The following ME2 variants were observed in gnomAD, a reference collection of about 807,000 sequenced individuals.
ME2 encodes NAD-dependent malic enzyme, mitochondrial.
In ME2, 60 loss-of-function variants were observed where a neutral mutation model predicts 73.7. The observed-to-expected ratio is 0.81, with a 90% confidence interval of 0.66 to 1.01. The LOEUF is 1.01. Ranked by LOEUF, ME2 falls within the 50% of genes least tolerant of loss-of-function variation. The pLI, the probability that ME2 is intolerant of heterozygous loss-of-function variation, is 0.00. For synonymous variants in ME2, 199 were observed against 236.9 expected (o/e 0.84, Z 1.47); for missense variants, 594 against 705.5 (o/e 0.84, Z 1.79).
In ME2 at chr18:50,940,344, G is replaced by A. The variant is rs771110015; in HGVS notation, c.1545G>A (p.Pro515=). The A allele has an allele frequency of 1.4e-5, 23 of 1,610,834 alleles. No homozygotes were observed. Among genetic ancestry groups the A allele is most frequent in the African/African-American group, 6.7e-5 (5 of 74,732 alleles). ...TAGCCCAAGGGAGACTTTACCCACC[G>A]CTTGCTAATATTCAGGAAGTTTCTA... The part of the protein sequence containing the change: ...EELAQGRLYP[P]LANIQEVSIN... The change falls in exon 15 of 16, where the codon CCG becomes CCA. Residue 515 remains proline, a synonymous_variant. Transcript: ENST00000321341.
At chr18:50,897,944 A>G (rs1222809456) in intron 2 of ME2, among the ~76,000 whole-genome samples, 1 of 152,196 alleles carries the variant, frequency 6.6e-6, no homozygotes, top group Non-Finnish European at 1.5e-5. Context: ...TAGCATCTAT[A>G]TGGTCACATC....
chr18:50,942,981 A>G (rs572323276), intron 15 of ME2, among the ~76,000 whole-genome samples: 1 of 151,998 alleles, frequency 6.6e-6, no homozygotes, highest in Middle Eastern at 3.4e-3. Flanking sequence ...TTTTTTTTCA[A>G]TTTAGAGACA....
intron 3 of ME2, 24 bp from the exon 4 acceptor site, chr18:50,912,777 A>G (rs1261511104): frequency 1.3e-6 from 2 of 1,520,312 alleles, no homozygotes; most frequent in Non-Finnish European, 1.8e-6. Flanking sequence ...TGACTTAGAC[A>G]TTATTTACTG....
intron 2 of ME2, among the ~76,000 whole-genome samples, chr18:50,907,762 A>T (rs1468127536): frequency 6.6e-6 from 1 of 152,214 alleles, no homozygotes; most frequent in African/African-American, 2.4e-5. Flanking sequence ...ATGTTTCTCT[A>T]GAATGGCTCC....
At chr18:50,907,213 A>G (rs583574) in intron 2 of ME2, among the ~76,000 whole-genome samples, 100,495 of 151,988 alleles carry the variant, frequency 0.66, 33,399 homozygotes, top group South Asian at 0.78. Context: ...TTCCTGGAAT[A>G]GGGCTTAGAA....
At chr18:50,883,756 C>T (rs1333777226) in intron 1 of ME2, among the ~76,000 whole-genome samples, 2 of 151,916 alleles carry the variant, frequency 1.3e-5, no homozygotes, top group South Asian at 2.1e-4. Flanking sequence ...GCTAGCTACT[C>T]GGGAGGCTGA....
At chr18:50,926,971 GTGTT>G (rs1481804656) in intron 12 of ME2, among the ~76,000 whole-genome samples, 1 of 152,128 alleles carries the variant, frequency 6.6e-6, no homozygotes, top group Non-Finnish European at 1.5e-5. Flanking sequence ...TTCACCATCA[GTGTT>G]TGTCTTTTCT....
chr18:50,879,623 G>A (rs938017175), intron 1 of ME2, among the ~76,000 whole-genome samples: 2 of 152,252 alleles, frequency 1.3e-5, no homozygotes, highest in African/African-American at 4.8e-5. Flanking sequence ...GAGGCCCTGG[G>A]CCTCCAAACG....
At chr18:50,922,360 G>A (rs1349934389) in intron 10 of ME2, among the ~76,000 whole-genome samples, 2 of 152,204 alleles carry the variant, frequency 1.3e-5, no homozygotes, top group Non-Finnish European at 2.9e-5. Flanking sequence ...CAGCTTATAA[G>A]TGACGGAGGT....
At position 50,927,414 on chromosome 18, in the gene ME2, CA is replaced by C. The variant is rs1403060593; in HGVS notation, c.1314+1517del. ...CTAAGGATTCTTTTAAAAATATAAC[CA>C]CAGGGCCGGGCACGGTGGCTCACGC... is the stretch of plus-strand genomic sequence containing the variant. On this transcript the variant is annotated intron_variant, in intron 12 of 15. Transcript: ENST00000321341. Among the ~76,000 whole-genome samples the C allele has an allele frequency of 3.3e-5, 5 of 151,762 alleles. No individual in the cohort carries two copies. The East Asian group carries it at 7.8e-4, about 24-fold the overall frequency.
chr18:50,928,609 A>G (rs902056624), intron 12 of ME2, among the ~76,000 whole-genome samples: 5 of 152,198 alleles, frequency 3.3e-5, no homozygotes, highest in African/African-American at 1.2e-4. Flanking sequence ...AAGGCTGTGG[A>G]TAAAGTTATT....
chr18:50,896,314 G>T (rs1026585236), intron 2 of ME2, among the ~76,000 whole-genome samples: 3 of 152,178 alleles, frequency 2.0e-5, no homozygotes, highest in Non-Finnish European at 4.4e-5. Context: ...GGTCAAAATT[G>T]TGAAATGAAC....
chr18:50,910,854 C>T (rs1917140252), intron 3 of ME2, among the ~76,000 whole-genome samples: 1 of 152,104 alleles, frequency 6.6e-6, no homozygotes, highest in South Asian at 2.1e-4. Context: ...AGATTTGATC[C>T]TGGGATTCAG....
intron 4 of ME2, 164 bp downstream of exon 4, chr18:50,913,114 T>C (rs918326085): frequency 2.2e-5 from 11 of 499,206 alleles, no homozygotes; most frequent in Admixed American, 1.6e-4. Flanking sequence ...TCCCAACATA[T>C]TCATAACTTT....
At chr18:50,916,400 G>A (rs772868980) in intron 5 of ME2, 157 bp downstream of exon 5, 3 of 536,882 alleles carry the variant, frequency 5.6e-6, no homozygotes, top group Non-Finnish European at 9.8e-6. Context: ...GATAATAGTA[G>A]TAGTTATAAA....
chr18:50,880,211 TG>T (rs1916282713), intron 1 of ME2, among the ~76,000 whole-genome samples: 3 of 152,166 alleles, frequency 2.0e-5, no homozygotes, highest in African/African-American at 7.2e-5. Context: ...AATAACCCTT[TG>T]AGGTTGATAC....
chr18:50,898,976 T>C (rs1192978616), intron 2 of ME2, among the ~76,000 whole-genome samples: 1 of 152,238 alleles, frequency 6.6e-6, no homozygotes, highest in East Asian at 1.9e-4. Context: ...CTAACTTTTC[T>C]CATAATTTTC....
At chr18:50,946,700 G>T (rs1918091399) in intron 15 of ME2, among the ~76,000 whole-genome samples, 1 of 152,182 alleles carries the variant, frequency 6.6e-6, no homozygotes. Context: ...CAAGTTGGCT[G>T]TGATTAGGAA....
Position 50,947,376 on chromosome 18 carries a change from C to T in ME2, c.*192C>T. 1.7e-6 allele frequency: 1 copy of T among 579,324 alleles called. No homozygotes were observed. The allele number at this position is 579,324 out of a possible 1,614,324, so 35.9% of individuals were successfully genotyped here. A position where few individuals can be genotyped will look rare whatever the true frequency, so the allele number is the denominator to read the frequency against. ...TGATTGATTGCATTGCCCACCAGCA[C>T]CCTACAGTCAGATAGTTGTGATGCT... On this transcript the variant is annotated 3_prime_UTR_variant, in exon 16 of 16. Transcript: ENST00000321341.
Sources: gnomAD v4.1 joint callset for allele counts (sites outside exome capture counted in the v4.1 genomes callset) on GRCh38, gnomAD v4.1.1 for gene constraint, MANE v1.5 for transcripts, NCBI Gene and HGNC (gene_info 2026-07-23, HGNC 2026-07-21) for gene names.